UPK1B: variants seen among roughly 807,000 people sequenced by gnomAD.
UPK1B encodes uroplakin-1b.
UPK1B carries 28 observed loss-of-function variants against 34.2 expected under a neutral mutation model. That is an observed-to-expected ratio of 0.82 (90% CI 0.61 to 1.12). UPK1B has a LOEUF of 1.12. UPK1B is among the 50% of genes most tolerant of loss of function. UPK1B has a pLI of 0.00. For missense variants in UPK1B, 325 were observed against 320.9 expected, an observed-to-expected ratio of 1.01 and a Z score of -0.10; for synonymous variants, 81 against 110.4, an observed-to-expected ratio of 0.73 and a Z score of 1.67.
intron 6 of UPK1B, among the ~76,000 whole-genome samples, chr3:119,195,074 G>A (rs1232063787): frequency 1.3e-5 from 2 of 152,166 alleles, no homozygotes; most frequent in Admixed American, 1.3e-4. Flanking sequence ...TTTTACAAAC[G>A]AAGAACTTAG....
At position 119,187,773 on chromosome 3, in the gene UPK1B, A is replaced by G; in HGVS notation, c.70-2A>G. On this transcript the variant is annotated splice_acceptor_variant, in intron 2 of 7. Coordinates refer to ENST00000264234, the MANE Select transcript of UPK1B (RefSeq NM_006952.4). LOFTEE classifies it high-confidence loss of function. ...TGGAGCCCACCTTTCATTTGCCCCCAGTGTTGCGGCATTGCCCTGACTGCG... is the reference window on the plus strand; with the variant it reads ...TGGAGCCCACCTTTCATTTGCCCCCGGTGTTGCGGCATTGCCCTGACTGCG... The G allele has an allele frequency of 1.3e-6, 2 of 1,540,956 alleles. No homozygotes were observed. Among genetic ancestry groups the G allele is most frequent in the Non-Finnish European group, 1.8e-6 (2 of 1,142,304 alleles).
chr3:119,187,690 A>G, intron 2 of UPK1B, 85 bp from the exon 3 acceptor site: 1 of 1,414,612 alleles, frequency 7.1e-7, no homozygotes, highest in Non-Finnish European at 1.0e-6. Context: ...CAGGAAAGGG[A>G]GCCAGTCACT....
intron 7 of UPK1B, among the ~76,000 whole-genome samples, chr3:119,200,746 G>T (rs1478676308): frequency 6.6e-6 from 1 of 152,178 alleles, no homozygotes. Flanking sequence ...TGTTTTCCTT[G>T]AAGTGACAGA....
In UPK1B at chr3:119,175,012, C is replaced by CTTTTTTTTTTT. The variant is rs374721069; in HGVS notation, c.-29+1399_-29+1409dup. 9.0e-4 allele frequency among the ~76,000 whole-genome samples: 61 copies of CTTTTTTTTTTT among 67,442 alleles called. 3 individuals carry two copies. Among genetic ancestry groups the CTTTTTTTTTTT allele is most frequent in the Non-Finnish European group, 1.2e-3 (47 of 38,094 alleles). The allele number at this position is 67,442 out of a possible 152,430, so 44.2% of individuals were successfully genotyped here. A position where few individuals can be genotyped will look rare whatever the true frequency, so the allele number is the denominator to read the frequency against. On this transcript the variant is annotated intron_variant, in intron 1 of 7. Transcript: ENST00000264234. ...CAGAACTTTTTTTTTCTTTTATTTT[C>CTTTTTTTTTTT]TTTTTTTTTTTTTTTTTTTTTTTTT...
intron 5 of UPK1B, among the ~76,000 whole-genome samples, chr3:119,193,105 T>G (rs1228495443): frequency 6.6e-6 from 1 of 152,214 alleles, no homozygotes; most frequent in African/African-American, 2.4e-5. Context: ...TTATCAGCAT[T>G]TGTCTCACTG....
Position 119,179,352 on chromosome 3 carries a change from GATATAT to G in UPK1B, c.-29+5755_-29+5760del, listed in dbSNP as rs60685268. 1.0e-2 allele frequency among the ~76,000 whole-genome samples: 466 copies of G among 46,794 alleles called. 1 individual carries two copies. The highest frequency in any genetic ancestry group is 0.013 in the African/African-American group (217 of 16,310). The allele number at this position is 46,794 out of a possible 152,430, so 30.7% of individuals were successfully genotyped here. ...AGAGAGAGGGAGAGAGAGAGAGGGA[GATATAT>G]ATATATATATATATATATATATATA... is the stretch of plus-strand genomic sequence containing the variant. On this transcript the variant is annotated intron_variant, in intron 1 of 7. Transcript: ENST00000264234.
chr3:119,178,087 TG>T (rs1480356606), intron 1 of UPK1B, among the ~76,000 whole-genome samples: 1 of 100,886 alleles, frequency 9.9e-6, no homozygotes. Context: ...ACCAAAGGGT[TG>T]GGGGGGTGGG....
Position 119,199,137 on chromosome 3 carries a change from G to C in UPK1B, c.729G>C (p.Trp243Cys). 3 of 1,614,094 alleles carry C rather than the reference G, an allele frequency of 1.9e-6. No individual in the cohort carries two copies. Among genetic ancestry groups the C allele is most frequent in the South Asian group, 1.1e-5 (1 of 91,066 alleles). Residue 243 changes from tryptophan (W) to cysteine (C), a missense_variant, in exon 7 of 8, where the codon TGG (tryptophan) becomes TGC (cysteine). Physicochemically the swap from Trp to Cys is radical, Grantham distance 215. Transcript: ENST00000264234. ...VAWFGFAILC[W>C]TFWVLLGTMF... ...GGTTTGGATTTGCCATTCTCTGCTG[G>C]ACTGTGAGTATTTCCCAGCACATAT...
intron 1 of UPK1B, among the ~76,000 whole-genome samples, chr3:119,178,231 T>C (rs907905027): frequency 1.3e-5 from 2 of 152,124 alleles, no homozygotes. Flanking sequence ...GAAAATATAA[T>C]AGTTGGGTCT....
At chr3:119,185,646 A>G (rs1315314739) in intron 1 of UPK1B, among the ~76,000 whole-genome samples, 1 of 152,262 alleles carries the variant, frequency 6.6e-6, no homozygotes, top group East Asian at 1.9e-4. Flanking sequence ...AAAAAATCCT[A>G]GAATACAATA....
chr3:119,182,692 A>G (rs902833043), intron 1 of UPK1B, among the ~76,000 whole-genome samples: 1 of 152,192 alleles, frequency 6.6e-6, no homozygotes, highest in Admixed American at 6.5e-5. Context: ...GCTGTGAGCC[A>G]CTGGAAGCCT....
At chr3:119,193,993 G>A (rs982847491) in intron 5 of UPK1B, among the ~76,000 whole-genome samples, 1 of 152,204 alleles carries the variant, frequency 6.6e-6, no homozygotes, top group East Asian at 1.9e-4. Flanking sequence ...ATGGCTACAG[G>A]GTTCACTAAT....
intron 7 of UPK1B, 105 bp from the exon 8 acceptor site, chr3:119,203,812 C>A: frequency 8.8e-7 from 1 of 1,135,320 alleles, no homozygotes; most frequent in Non-Finnish European, 1.3e-6. Flanking sequence ...ACAAAAAAAT[C>A]TGTTGTCACC....
chr3:119,196,625 C>T (rs1013481049), intron 6 of UPK1B, among the ~76,000 whole-genome samples: 2 of 150,506 alleles, frequency 1.3e-5, no homozygotes, highest in African/African-American at 4.9e-5. Flanking sequence ...CTGCAACCTC[C>T]ACCTCCCAGG....
chr3:119,202,620 G>A (rs1388670363), intron 7 of UPK1B, among the ~76,000 whole-genome samples: 2 of 152,166 alleles, frequency 1.3e-5, no homozygotes, highest in African/African-American at 4.8e-5. Context: ...TTACCCAGGA[G>A]TAAGTACCAG....
At chr3:119,194,007 T>G (rs1418190444) in intron 5 of UPK1B, among the ~76,000 whole-genome samples, 1 of 152,198 alleles carries the variant, frequency 6.6e-6, no homozygotes, top group Non-Finnish European at 1.5e-5. Flanking sequence ...CACTAATGAC[T>G]AGTAAAGTAG....
chr3:119,194,896 T>C (rs2078059325), intron 6 of UPK1B, among the ~76,000 whole-genome samples: 1 of 152,214 alleles, frequency 6.6e-6, no homozygotes. Flanking sequence ...GAAGGTAGTT[T>C]ACATACAGAT....
chr3:119,178,277 C>T (rs1282480980), intron 1 of UPK1B, among the ~76,000 whole-genome samples: 2 of 152,182 alleles, frequency 1.3e-5, no homozygotes, highest in African/African-American at 2.4e-5. Context: ...CAGAAGGGAA[C>T]AGGAGCAAAT....
chr3:119,184,729 A>T (rs886108806), intron 1 of UPK1B, among the ~76,000 whole-genome samples: 1 of 152,148 alleles, frequency 6.6e-6, no homozygotes, highest in African/African-American at 2.4e-5. Flanking sequence ...CTGTCTCAAA[A>T]AATAATAATA....
Sources: gnomAD v4.1 joint callset for allele counts (sites outside exome capture counted in the v4.1 genomes callset) on GRCh38, gnomAD v4.1.1 for gene constraint, MANE v1.5 for transcripts, NCBI Gene and HGNC (gene_info 2026-07-23, HGNC 2026-07-21) for gene names.